RANBP3L: variants seen among roughly 807,000 people sequenced by gnomAD.
The protein encoded by RANBP3L is RAN binding protein 3 like.
In RANBP3L, 56 loss-of-function variants were observed where a neutral mutation model predicts 67.2. The observed-to-expected ratio is 0.83, with a 90% confidence interval of 0.67 to 1.04. The LOEUF (loss-of-function observed/expected upper bound fraction) is 1.04, where lower values mean the gene tolerates loss of function less well. Ranked by LOEUF, RANBP3L falls within the 50% of genes least tolerant of loss-of-function variation. The pLI is 0.00. For missense variants in RANBP3L, 496 were observed against 535.5 expected, an observed-to-expected ratio of 0.93 and a Z score of 0.73; for synonymous variants, 164 against 181.4, an observed-to-expected ratio of 0.90 and a Z score of 0.77.
chr5:36,281,435 T>C (rs1472253300), intron 1 of RANBP3L, among the ~76,000 whole-genome samples: 1 of 152,200 alleles, frequency 6.6e-6, no homozygotes, highest in Non-Finnish European at 1.5e-5. Context: ...AATTCTTAGA[T>C]ATCTGAGACT....
In RANBP3L at chr5:36,301,475, T is replaced by C; in HGVS notation, c.-59A>G. On this transcript the variant is annotated 5_prime_UTR_variant, in exon 1 of 14. The change abolishes the stop of an existing upstream ORF in the 5' untranslated region. Coordinates refer to ENST00000296604, the MANE Select transcript of RANBP3L (RefSeq NM_145000.5). ...CTAGGGCACCTCCTTCTCTGGCCAGTCACCTAAAGTGGCCTTCACCAGACA... is the reference window on the plus strand; with the variant it reads ...CTAGGGCACCTCCTTCTCTGGCCAGCCACCTAAAGTGGCCTTCACCAGACA... 1 of 1,338,214 alleles carries C rather than the reference T, an allele frequency of 7.5e-7. No individual in the cohort carries two copies. The highest frequency in any genetic ancestry group is 1.1e-6 in the Non-Finnish European group (1 of 936,498). 82.9% of individuals were successfully genotyped at this position (1,338,214 alleles called of 1,614,324 possible). A position where few individuals can be genotyped will look rare whatever the true frequency, so the allele number is the denominator to read the frequency against.
At chr5:36,258,315 A>G (rs762731535) in intron 8 of RANBP3L, among the ~76,000 whole-genome samples, 5 of 152,194 alleles carry the variant, frequency 3.3e-5, no homozygotes, top group Non-Finnish European at 5.9e-5. Context: ...ATACTTAAGA[A>G]CTTAGGCTTA....
intron 1 of RANBP3L, among the ~76,000 whole-genome samples, chr5:36,286,916 C>T (rs1476544096): frequency 6.6e-6 from 1 of 152,164 alleles, no homozygotes; most frequent in African/African-American, 2.4e-5. Context: ...AATCAGATCT[C>T]CATTATGACA....
chr5:36,250,565 T>G (rs1034831909), intron 13 of RANBP3L, among the ~76,000 whole-genome samples: 1 of 152,106 alleles, frequency 6.6e-6, no homozygotes, highest in Non-Finnish European at 1.5e-5. Context: ...TCGTTGTAAT[T>G]GTATTACTCA....
chr5:36,269,900 A>C (rs1488838112), intron 3 of RANBP3L, 51 bp downstream of exon 3: 1 of 1,467,270 alleles, frequency 6.8e-7, no homozygotes, highest in African/African-American at 1.4e-5. Flanking sequence ...TGTGTCTGCT[A>C]ATTTTGTTTG....
rs141565453 is a variant in RANBP3L at position 36,265,540 on chromosome 5, A to C, written c.269-20T>G. 5.1e-5 allele frequency: 72 copies of C among 1,415,026 alleles called. No individual in the cohort carries two copies. In the African/African-American group the frequency reaches 9.0e-4, roughly 18 times the overall value. The allele number at this position is 1,415,026 out of a possible 1,614,324, so 87.7% of individuals were successfully genotyped here. On this transcript the variant is annotated intron_variant, in intron 4 of 13. Coordinates refer to ENST00000296604, the MANE Select transcript of RANBP3L (RefSeq NM_145000.5). ...TCCTCACTGTAAGAAAAAATATTTA[A>C]ATTTTTTTAAATACAGAAGAGTGTC...
chr5:36,250,521 T>C (rs746483877), intron 13 of RANBP3L, among the ~76,000 whole-genome samples: 2 of 152,042 alleles, frequency 1.3e-5, no homozygotes, highest in African/African-American at 2.4e-5. Flanking sequence ...TTCAAAATGA[T>C]TAAGAGTTGA....
At chr5:36,262,434 C>T (rs1749464036) in intron 6 of RANBP3L, among the ~76,000 whole-genome samples, 1 of 152,054 alleles carries the variant, frequency 6.6e-6, no homozygotes, top group African/African-American at 2.4e-5. Context: ...TGGGAAACAC[C>T]CTAAGAATGT....
At chr5:36,252,252 T>G (rs1423944282) in intron 12 of RANBP3L, among the ~76,000 whole-genome samples, 1 of 152,064 alleles carries the variant, frequency 6.6e-6, no homozygotes, top group Non-Finnish European at 1.5e-5. Flanking sequence ...GGCTGAAAGT[T>G]GAATCCCAGG....
rs1748397013 is a variant in RANBP3L at position 36,248,364 on chromosome 5, A to G, written c.*1290T>C. On this transcript the variant is annotated 3_prime_UTR_variant, in exon 14 of 14. Coordinates refer to ENST00000296604, the MANE Select transcript of RANBP3L (RefSeq NM_145000.5). The stretch of plus-strand genomic sequence containing the variant: ...ATAAGGAAGGACAAAATGTTGAACA[A>G]TTGTCATAATCATAATCTGAAAGAC... 1 of 152,116 alleles carries G rather than the reference A, an allele frequency of 6.6e-6. No homozygotes were observed. The highest frequency in any genetic ancestry group is 2.1e-4 in the South Asian group (1 of 4,824). The allele number at this position is 152,116 out of a possible 1,614,324, so 9.4% of individuals were successfully genotyped here.
At chr5:36,265,657 C>A (rs1440082082) in intron 4 of RANBP3L, 137 bp from the exon 5 acceptor site, 1 of 479,740 alleles carries the variant, frequency 2.1e-6, no homozygotes, top group Non-Finnish European at 3.7e-6. Flanking sequence ...GTAGTGCCCT[C>A]TGGAGCACTG....
intron 11 of RANBP3L, among the ~76,000 whole-genome samples, chr5:36,254,074 C>T (rs1409231062): frequency 1.3e-5 from 2 of 151,900 alleles, no homozygotes; most frequent in East Asian, 3.9e-4. Context: ...TATTTGTCCA[C>T]GAATTGTCTA....
chr5:36,270,101 A>G, intron 2 of RANBP3L, 111 bp from the exon 3 acceptor site: 1 of 884,464 alleles, frequency 1.1e-6, no homozygotes, highest in Non-Finnish European at 1.9e-6. Context: ...AATTGCAATT[A>G]CTTTTGCACC....
intron 1 of RANBP3L, among the ~76,000 whole-genome samples, chr5:36,291,028 G>T (rs1056250267): frequency 6.6e-6 from 1 of 151,710 alleles, no homozygotes; most frequent in Admixed American, 6.6e-5. Context: ...ACAGGCGTGA[G>T]CCACCATGCC....
In RANBP3L at chr5:36,265,520, A is replaced by G. The variant is rs781256470; in HGVS notation, c.269T>C (p.Val90Ala). Reference sequence around the variant, plus strand: ...TGTCATAAAAACATTGTTTTTCCTCACTGTAAGAAAAAATATTTAAATTTT... The same window carrying G: ...TGTCATAAAAACATTGTTTTTCCTCGCTGTAAGAAAAAATATTTAAATTTT... ...FHITDSQSQG[V>A]RKNNVFMTSA... Residue 90 changes from valine (V) to alanine (A), a missense_variant and splice_region_variant, in exon 5 of 14, where the codon GTG (valine) becomes GCG (alanine). Physicochemically the swap from Val to Ala is moderately conservative, Grantham distance 64 (BLOSUM62 0). Coordinates refer to ENST00000296604, the MANE Select transcript of RANBP3L (RefSeq NM_145000.5). 2 of 1,577,518 alleles carry G rather than the reference A, an allele frequency of 1.3e-6. No individual in the cohort carries two copies. Among genetic ancestry groups the G allele is most frequent in the South Asian group, 1.1e-5 (1 of 89,122 alleles).
intron 1 of RANBP3L, among the ~76,000 whole-genome samples, chr5:36,300,330 C>A (rs1259396873): frequency 6.6e-6 from 1 of 152,080 alleles, no homozygotes; most frequent in African/African-American, 2.4e-5. Context: ...CTATGCTAAG[C>A]CTTGTAGAGC....
chr5:36,252,561 T>C (rs1179452549), intron 12 of RANBP3L, among the ~76,000 whole-genome samples: 1 of 152,116 alleles, frequency 6.6e-6, no homozygotes, highest in African/African-American at 2.4e-5. Flanking sequence ...TTATACGGTA[T>C]GTACGCTATG....
At chr5:36,279,267 C>G (rs1293877320) in intron 1 of RANBP3L, among the ~76,000 whole-genome samples, 1 of 152,114 alleles carries the variant, frequency 6.6e-6, no homozygotes, top group Non-Finnish European at 1.5e-5. Context: ...GAATGTGTGC[C>G]AATTCACAAA....
intron 12 of RANBP3L, among the ~76,000 whole-genome samples, chr5:36,252,670 T>G (rs1748678359): frequency 6.6e-6 from 1 of 152,092 alleles, no homozygotes; most frequent in Admixed American, 6.6e-5. Context: ...GAAGATGGAA[T>G]CTAGTCATGT....
Sources: allele counts gnomAD v4.1 joint callset (sites outside exome capture counted in the v4.1 genomes callset), GRCh38; gene constraint gnomAD v4.1.1; transcripts MANE v1.5; gene names NCBI Gene and HGNC (gene_info 2026-07-23, HGNC 2026-07-21).